Variants in SMC3 observed in about 807,000 individuals in gnomAD.
The protein encoded by SMC3 is structural maintenance of chromosomes protein 3.
Under a neutral mutation model 171.8 loss-of-function variants are expected in SMC3, and 20 were observed. The ratio of observed to expected loss-of-function variants is 0.12; its 90% confidence interval spans 0.08 to 0.17. The LOEUF is 0.17. Among genes scored for constraint, SMC3 ranks in the 10% least tolerant of loss-of-function variants. SMC3 has a pLI of 1.00. For synonymous variants in SMC3, 464 were observed against 451.1 expected, an observed-to-expected ratio of 1.03 and a Z score of -0.36; for missense variants, 543 against 1,420.4, an observed-to-expected ratio of 0.38 and a Z score of 9.93.
intron 15 of SMC3, 79 bp from the exon 16 acceptor site, chr10:110,590,333 T>C (rs1861186433): frequency 1.7e-6 from 2 of 1,178,910 alleles, no homozygotes; most frequent in Non-Finnish European, 2.5e-6. Flanking sequence ...TTAAAATGTA[T>C]GGTGTTGTGG....
intron 22 of SMC3, 47 bp from the exon 23 acceptor site, chr10:110,600,975 G>A (rs753986363): frequency 9.7e-6 from 13 of 1,339,702 alleles, no homozygotes; most frequent in Non-Finnish European, 1.3e-5. Flanking sequence ...GAAAATGTTG[G>A]CAGTCATAAC....
chr10:110,599,105 A>AT (rs961321728), intron 20 of SMC3, among the ~76,000 whole-genome samples: 12 of 150,286 alleles, frequency 8.0e-5, no homozygotes, highest in East Asian at 1.9e-4. Flanking sequence ...ACAACTTTTT[A>AT]TTTTTTGAGG....
At chr10:110,576,420 C>T (rs572689633) in intron 4 of SMC3, among the ~76,000 whole-genome samples, 4 of 152,170 alleles carry the variant, frequency 2.6e-5, no homozygotes, top group African/African-American at 7.2e-5. Flanking sequence ...GTCATGCCTC[C>T]CTCAAACCTT....
chr10:110,569,160 T>G, intron 2 of SMC3, 147 bp downstream of exon 2: 1 of 667,998 alleles, frequency 1.5e-6, no homozygotes, highest in Admixed American at 2.5e-5. Flanking sequence ...TCTGTCTTAT[T>G]GCACTGATGA....
rs1564795547 is a variant in SMC3, at chr10:110,600,560, T to TG, written c.2535+14_2535+15insG. On this transcript the variant is annotated intron_variant, in intron 22 of 28. Transcript: ENST00000361804. ...CAAGTAGAACAGGTGTGTATGTGTT[T>TG]TTTTTTTTTTTTTTAAGGGCTCCTT... 41 of 1,251,474 alleles carry TG rather than the reference T, an allele frequency of 3.3e-5. No homozygotes were observed. The East Asian group carries it at 9.5e-4, about 29-fold the overall frequency. The allele number at this position is 1,251,474 out of a possible 1,614,324, so 77.5% of individuals were successfully genotyped here.
chr10:110,595,917 C>CT (rs10639343), intron 18 of SMC3, among the ~76,000 whole-genome samples: 1,241 of 101,536 alleles, frequency 0.012, 41 homozygotes, highest in African/African-American at 0.046. Flanking sequence ...ACTGGAGGTT[C>CT]TTTTTTTTTT....
At position 110,581,999 on chromosome 10, in the gene SMC3, A is replaced by G. The variant is rs367803262; in HGVS notation, c.624A>G (p.Glu208=). The change falls in exon 9 of 29, where the codon GAA becomes GAG. Residue 208 remains glutamate, a synonymous_variant. Coordinates refer to ENST00000361804, the MANE Select transcript of SMC3 (RefSeq NM_005445.4). ...ERLHTLEEEK[E]ELAQYQKWDK... is the part of the protein sequence containing the mutation. ...TACATACTCTAGAGGAAGAAAAGGA[A>G]GAACTAGCTCAGTATCAGAAGTGGG... is the stretch of plus-strand genomic sequence containing the variant. The G allele has an allele frequency of 1.9e-6, 3 of 1,613,226 alleles. No individual in the cohort carries two copies. The highest frequency in any genetic ancestry group is 2.5e-6 in the Non-Finnish European group (3 of 1,179,336).
chr10:110,567,907 A>C, intron 1 of SMC3, 76 bp downstream of exon 1: 2 of 1,453,258 alleles, frequency 1.4e-6, no homozygotes. Context: ...TTGCGGCGCC[A>C]CCCGCAGCCT....
chr10:110,600,903 T>G, intron 22 of SMC3, 119 bp from the exon 23 acceptor site: 6 of 736,096 alleles, frequency 8.2e-6, no homozygotes, highest in Non-Finnish European at 1.4e-5. Flanking sequence ...TAAGTATTTG[T>G]AATTATATGA....
intron 7 of SMC3, 98 bp downstream of exon 7, chr10:110,578,804 A>C (rs1286875587): frequency 5.8e-6 from 5 of 860,866 alleles, no homozygotes; most frequent in Non-Finnish European, 7.6e-6. Context: ...AAGCTGAAGC[A>C]AAAATGGCCA....
intron 13 of SMC3, among the ~76,000 whole-genome samples, chr10:110,585,471 A>G (rs576177570): frequency 5.3e-5 from 8 of 150,184 alleles, no homozygotes; most frequent in South Asian, 4.2e-4. Flanking sequence ...TTGTATTTTT[A>G]GTAGAGGTGG....
chr10:110,596,048 G>A (rs1319488343), intron 18 of SMC3, among the ~76,000 whole-genome samples: 4 of 149,598 alleles, frequency 2.7e-5, no homozygotes, highest in African/African-American at 9.8e-5. Context: ...GAACCGCCTG[G>A]GCACATAGCA....
At position 110,604,367 on chromosome 10, in the gene SMC3, T is replaced by C. The variant is rs1861436210; in HGVS notation, c.*65T>C. ...TAATATGATTCTCATACCCAGGAACTGTAAATTTAAACCTAAATATTTGGC... is the reference window on the plus strand; with the variant it reads ...TAATATGATTCTCATACCCAGGAACCGTAAATTTAAACCTAAATATTTGGC... On this transcript the variant is annotated 3_prime_UTR_variant, in exon 29 of 29. Coordinates refer to ENST00000361804, the MANE Select transcript of SMC3 (RefSeq NM_005445.4). The C allele has an allele frequency of 1.7e-6, 2 of 1,196,642 alleles. No homozygotes were observed. Among genetic ancestry groups the C allele is most frequent in the Admixed American group, 1.7e-5 (1 of 59,090 alleles). 74.1% of individuals were successfully genotyped at this position (1,196,642 alleles called of 1,614,324 possible).
At chr10:110,569,139 GA>G in intron 2 of SMC3, 126 bp downstream of exon 2, 1 of 712,870 alleles carries the variant, frequency 1.4e-6, no homozygotes, top group South Asian at 1.6e-5. Context: ...TTTTCTGCGT[GA>G]AATAACTTTT....
Position 110,604,213 on chromosome 10 carries a change from T to G in SMC3, c.3583-18T>G. On this transcript the variant is annotated intron_variant, in intron 28 of 28. Transcript: ENST00000361804. ...TGATGTAATTAACAGATTTTTGTTT[T>G]TAACATTTATTCTTCAGGTTAGTCA... 6.3e-7 allele frequency: 1 copy of G among 1,596,002 alleles called. No homozygotes were observed. The highest frequency in any genetic ancestry group is 8.6e-7 in the Non-Finnish European group (1 of 1,164,484).
intron 3 of SMC3, among the ~76,000 whole-genome samples, chr10:110,574,722 G>T (rs1332728987): frequency 6.6e-6 from 1 of 152,156 alleles, no homozygotes; most frequent in African/African-American, 2.4e-5. Context: ...AGGTCTCTTG[G>T]GTGGACTGGG....
chr10:110,584,433 A>G (rs762812784), intron 13 of SMC3, 37 bp downstream of exon 13: 6 of 1,447,160 alleles, frequency 4.1e-6, no homozygotes, highest in African/African-American at 1.4e-5. Context: ...AAAATCTTTC[A>G]GAAGAGATAA....
intron 19 of SMC3, among the ~76,000 whole-genome samples, chr10:110,596,862 GTT>G (rs202036279): frequency 2.1e-5 from 3 of 145,686 alleles, no homozygotes; most frequent in East Asian, 2.0e-4. Flanking sequence ...AACCTTGGTA[GTT>G]TTTTTTTTTT....
intron 11 of SMC3, 85 bp downstream of exon 11, chr10:110,583,633 T>A (rs760597208): frequency 3.0e-5 from 43 of 1,454,364 alleles, no homozygotes; most frequent in Non-Finnish European, 4.0e-5. Flanking sequence ...GACTGGTGTG[T>A]GTTGGAATTT....
Sources: gnomAD v4.1 joint callset for allele counts (sites outside exome capture counted in the v4.1 genomes callset) on GRCh38, gnomAD v4.1.1 for gene constraint, MANE v1.5 for transcripts, NCBI Gene and HGNC (gene_info 2026-07-23, HGNC 2026-07-21) for gene names.